KCNIP1: variants seen among roughly 807,000 people sequenced by gnomAD.
The protein encoded by KCNIP1 is potassium voltage-gated channel interacting protein 1, also known as A-type potassium channel modulatory protein KCNIP1.
A neutral mutation model predicts 33.0 loss-of-function variants in KCNIP1; 18 were observed. That is an observed-to-expected ratio of 0.55 (90% CI 0.38 to 0.81). KCNIP1 has a LOEUF of 0.81. Among genes scored for constraint, KCNIP1 ranks in the 30% least tolerant of loss-of-function variants. The pLI is 0.00. For synonymous variants in KCNIP1, 93 were observed against 98.3 expected (o/e 0.95, Z 0.32); for missense variants, 238 against 271.6 (o/e 0.88, Z 0.87).
upstream of KCNIP1, among the ~76,000 whole-genome samples, chr5:170,500,794 T>C (rs1757395533): frequency 6.6e-6 from 1 of 152,216 alleles, no homozygotes; most frequent in South Asian, 2.1e-4. Flanking sequence ...TCCGCAGGAA[T>C]AAATGAGCTA....
At chr5:170,649,481 T>C (rs1166368383) in intron 1 of KCNIP1, among the ~76,000 whole-genome samples, 1 of 152,140 alleles carries the variant, frequency 6.6e-6, no homozygotes, top group African/African-American at 2.4e-5. Flanking sequence ...GGAGCTGAAA[T>C]CCAGCCATGC....
chr5:170,635,281 C>T (rs181067415), intron 1 of KCNIP1, among the ~76,000 whole-genome samples: 1 of 152,324 alleles, frequency 6.6e-6, no homozygotes, highest in Non-Finnish European at 1.5e-5. Context: ...CTGCCTGCCT[C>T]GGCCTCCCAA....
intron 1 of KCNIP1, among the ~76,000 whole-genome samples, chr5:170,686,731 G>T (rs1178627640): frequency 6.6e-6 from 1 of 152,134 alleles, no homozygotes; most frequent in East Asian, 1.9e-4. Flanking sequence ...GGCACTGGAG[G>T]TTTTCTGAAA....
intron 1 of KCNIP1, among the ~76,000 whole-genome samples, chr5:170,535,532 AG>A (rs1581287733): frequency 6.6e-6 from 1 of 152,196 alleles, no homozygotes; most frequent in Middle Eastern, 3.4e-3. Flanking sequence ...AAAAGATGAG[AG>A]GGGACCACCC....
intron 1 of KCNIP1, among the ~76,000 whole-genome samples, chr5:170,652,534 AAAG>A (rs1761088695): frequency 3.3e-5 from 5 of 151,456 alleles, no homozygotes; most frequent in Admixed American, 6.6e-5. Flanking sequence ...AGAAAAAAGA[AAAG>A]AAAAGAAAAG....
At chr5:170,676,152 G>A (rs1762130477) in intron 1 of KCNIP1, among the ~76,000 whole-genome samples, 1 of 111,598 alleles carries the variant, frequency 9.0e-6, no homozygotes, top group Non-Finnish European at 1.9e-5. Context: ...GAGAGAAGGG[G>A]GAGGTAGGGA....
intron 1 of KCNIP1, among the ~76,000 whole-genome samples, chr5:170,599,245 G>A (rs186673877): frequency 9.9e-5 from 15 of 152,144 alleles, no homozygotes; most frequent in East Asian, 7.8e-4. Context: ...ATACAGTAGC[G>A]CTCAATAAGT....
chr5:170,536,797 G>A (rs1442673470), intron 1 of KCNIP1, among the ~76,000 whole-genome samples: 1 of 152,168 alleles, frequency 6.6e-6, no homozygotes, highest in Non-Finnish European at 1.5e-5. Flanking sequence ...CTAGAGCAGA[G>A]GACAGAGTCA....
rs571087946 is a variant in KCNIP1 at position 170,671,598 on chromosome 5, T to C, written c.62-47160T>C. ...AATCACGGCTTATATGATATACTTA[T>C]GCTATTATTTGAGTTATGTCTGTCT... On this transcript the variant is annotated intron_variant, in intron 1 of 7. Transcript: ENST00000328939. Among the ~76,000 whole-genome samples the C allele has an allele frequency of 3.3e-5, 5 of 152,330 alleles. No individual in the cohort carries two copies. The East Asian group carries it at 9.6e-4, about 29-fold the overall frequency.
intron 1 of KCNIP1, among the ~76,000 whole-genome samples, chr5:170,475,493 C>G (rs897592035): frequency 3.9e-5 from 6 of 152,162 alleles, no homozygotes; most frequent in African/African-American, 1.4e-4. Flanking sequence ...ACACGGCTGT[C>G]CTGGAACAAG....
intron 1 of KCNIP1, chr5:170,382,542 C>T (rs1189187178): frequency 6.6e-6 from 1 of 152,332 alleles, no homozygotes; most frequent in Non-Finnish European, 1.5e-5. Context: ...CCACCTAGCC[C>T]TTCCCTCCGC....
chr5:170,610,908 T>C (rs1316121064), intron 1 of KCNIP1, among the ~76,000 whole-genome samples: 1 of 152,206 alleles, frequency 6.6e-6, no homozygotes, highest in East Asian at 1.9e-4. Context: ...ACTGAGTACC[T>C]AGTATGTGCG....
At chr5:170,445,509 C>T (rs115237535) in intron 1 of KCNIP1, among the ~76,000 whole-genome samples, 2 of 152,340 alleles carry the variant, frequency 1.3e-5, no homozygotes, top group Middle Eastern at 3.4e-3. Context: ...TATTAGGCCA[C>T]GCAGTTCCCT....
intron 1 of KCNIP1, among the ~76,000 whole-genome samples, chr5:170,366,287 G>C (rs1763657673): frequency 6.6e-6 from 1 of 152,158 alleles, no homozygotes; most frequent in Non-Finnish European, 1.5e-5. Context: ...TCTTTGTATA[G>C]AGTCCACCGG....
intron 1 of KCNIP1, among the ~76,000 whole-genome samples, chr5:170,490,736 G>A (rs996324761): frequency 2.6e-5 from 4 of 151,958 alleles, no homozygotes; most frequent in Non-Finnish European, 4.4e-5. Context: ...CACTCCTCAC[G>A]GAGCACCACA....
intron 1 of KCNIP1, chr5:170,669,605 C>T: frequency 3.0e-6 from 3 of 985,404 alleles, no homozygotes; most frequent in Non-Finnish European, 3.6e-6. Flanking sequence ...ACCGCTGGAT[C>T]AGCAGAAGGT....
chr5:170,381,695 C>T (rs2113335653), intron 1 of KCNIP1, among the ~76,000 whole-genome samples: 1 of 152,362 alleles, frequency 6.6e-6, no homozygotes, highest in East Asian at 1.9e-4. Context: ...ATCCTGCTGA[C>T]AGTTCATTCA....
chr5:170,643,860 G>A (rs1005326257), intron 1 of KCNIP1, among the ~76,000 whole-genome samples: 20 of 152,212 alleles, frequency 1.3e-4, no homozygotes, highest in Admixed American at 3.3e-4. Flanking sequence ...CCTGTGTAAC[G>A]AATGGGGCAC....
intron 1 of KCNIP1, among the ~76,000 whole-genome samples, chr5:170,473,158 G>C (rs1756774320): frequency 6.6e-6 from 1 of 152,144 alleles, no homozygotes; most frequent in African/African-American, 2.4e-5. Context: ...TTGTGGTTTT[G>C]ATTTGCATTT....
Sources: allele counts gnomAD v4.1 joint callset (sites outside exome capture counted in the v4.1 genomes callset), GRCh38; gene constraint gnomAD v4.1.1; transcripts MANE v1.5; gene names NCBI Gene and HGNC (gene_info 2026-07-23, HGNC 2026-07-21).